ATG7: variants seen among roughly 807,000 people sequenced by gnomAD.
ATG7 encodes the protein ubiquitin-like modifier-activating enzyme ATG7.
Under a neutral mutation model 82.4 loss-of-function variants are expected in ATG7, and 70 were observed. The observed-to-expected ratio is 0.85, with a 90% confidence interval of 0.70 to 1.04. ATG7 has a LOEUF of 1.04. Among genes scored for constraint, ATG7 ranks in the 50% least tolerant of loss-of-function variants. The probability of loss-of-function intolerance (pLI) is 0.00; values close to 1 mark genes in which losing one functional copy is unlikely to be tolerated. For synonymous variants in ATG7, 287 were observed against 313.0 expected (o/e 0.92, Z 0.88); for missense variants, 792 against 864.3 (o/e 0.92, Z 1.05).
chr3:11,417,697 A>G (rs1175080433), intron 19 of ATG7, among the ~76,000 whole-genome samples: 2 of 147,790 alleles, frequency 1.4e-5, no homozygotes, highest in Non-Finnish European at 3.0e-5. Context: ...ATTTGTAACT[A>G]TTTTCCATTT....
chr3:11,371,741 G>A (rs184795437), intron 18 of ATG7, among the ~76,000 whole-genome samples: 4 of 151,218 alleles, frequency 2.6e-5, no homozygotes, highest in Admixed American at 1.3e-4. Context: ...CTGGGACAAA[G>A]TACTTAAGTC....
chr3:11,415,250 C>A (rs983464185), intron 19 of ATG7, among the ~76,000 whole-genome samples: 1 of 152,114 alleles, frequency 6.6e-6, no homozygotes, highest in African/African-American at 2.4e-5. Flanking sequence ...AGAATACTTA[C>A]CATAAATGGA....
At chr3:11,419,301 C>T (rs962372184) in intron 19 of ATG7, among the ~76,000 whole-genome samples, 2 of 152,086 alleles carry the variant, frequency 1.3e-5, no homozygotes, top group Non-Finnish European at 2.9e-5. Flanking sequence ...ACCTGTAATC[C>T]CAGCACTTTG....
At chr3:11,446,314 A>G (rs1169342076) in intron 20 of ATG7, among the ~76,000 whole-genome samples, 3 of 152,016 alleles carry the variant, frequency 2.0e-5, no homozygotes, top group Non-Finnish European at 4.4e-5. Context: ...TAAGTCTTTA[A>G]CACCTAGATT....
At chr3:11,528,581 C>A (rs1445664585) in intron 20 of ATG7, among the ~76,000 whole-genome samples, 1 of 152,140 alleles carries the variant, frequency 6.6e-6, no homozygotes, top group Non-Finnish European at 1.5e-5. Context: ...AATCCCAGCA[C>A]TTTGGGAGGC....
chr3:11,485,078 C>G (rs1372039306), intron 20 of ATG7, among the ~76,000 whole-genome samples: 1 of 152,168 alleles, frequency 6.6e-6, no homozygotes, highest in Non-Finnish European at 1.5e-5. Context: ...ATGGCTGGGT[C>G]AAATGGTATT....
intron 20 of ATG7, among the ~76,000 whole-genome samples, chr3:11,526,989 T>A (rs2092591187): frequency 6.6e-6 from 1 of 150,752 alleles, no homozygotes; most frequent in Non-Finnish European, 1.5e-5. Context: ...AAACTAATAG[T>A]GTGGTATATT....
chr3:11,318,414 G>A (rs1949740749), intron 9 of ATG7, among the ~76,000 whole-genome samples: 1 of 152,194 alleles, frequency 6.6e-6, no homozygotes, highest in Admixed American at 6.5e-5. Context: ...ATTGATACGG[G>A]TGATACTTTG....
intron 11 of ATG7, among the ~76,000 whole-genome samples, chr3:11,338,743 T>C (rs953104992): frequency 6.6e-6 from 1 of 152,176 alleles, no homozygotes; most frequent in African/African-American, 2.4e-5. Context: ...AGGACGTTTG[T>C]TTTCTGGCTT....
chr3:11,291,725 C>A (rs1945008681), intron 3 of ATG7, among the ~76,000 whole-genome samples: 1 of 152,156 alleles, frequency 6.6e-6, no homozygotes, highest in African/African-American at 2.4e-5. Context: ...GTGGTAAATG[C>A]CCTAATGGAA....
At chr3:11,328,915 C>T (rs532338602) in intron 9 of ATG7, among the ~76,000 whole-genome samples, 1 of 152,246 alleles carries the variant, frequency 6.6e-6, no homozygotes, top group African/African-American at 2.4e-5. Context: ...GGCGTAACCC[C>T]GTCTCTACTG....
intron 20 of ATG7, among the ~76,000 whole-genome samples, chr3:11,431,331 G>T (rs1283896544): frequency 1.3e-5 from 2 of 152,246 alleles, no homozygotes; most frequent in Admixed American, 6.5e-5. Flanking sequence ...AACCCGGGAG[G>T]TGGAGGCTGC....
chr3:11,358,777 A>G (rs1034713306), intron 15 of ATG7, among the ~76,000 whole-genome samples, 165 bp downstream of exon 15: 6 of 152,210 alleles, frequency 3.9e-5, no homozygotes, highest in African/African-American at 1.4e-4. Flanking sequence ...CTCGCACACC[A>G]TCACCCAATG....
Position 11,534,748 on chromosome 3 carries a change from C to T in ATG7, c.2080-20063C>T, listed in dbSNP as rs143964044. ...TCCCTCCCAGCGCAGCCTGGTAGGC[C>T]TCTTGACCACCTGGGGGGAGTCACT... On this transcript the variant is annotated intron_variant, in intron 20 of 20. Coordinates refer to ENST00000693202, the MANE Select transcript of ATG7 (RefSeq NM_001349232.2). 7.7e-3 allele frequency among the ~76,000 whole-genome samples: 1,177 copies of T among 152,326 alleles called. 12 individuals are homozygous for T. Among genetic ancestry groups the T allele is most frequent in the African/African-American group, 0.027 (1,129 of 41,578 alleles).
intron 20 of ATG7, among the ~76,000 whole-genome samples, chr3:11,457,406 T>C (rs2085846135): frequency 6.6e-6 from 1 of 152,174 alleles, no homozygotes; most frequent in Non-Finnish European, 1.5e-5. Context: ...AGATAGAGGC[T>C]GTGCTTCCTT....
chr3:11,521,667 C>T (rs1470547666), intron 20 of ATG7, among the ~76,000 whole-genome samples: 4 of 151,962 alleles, frequency 2.6e-5, no homozygotes, highest in Admixed American at 2.6e-4. Flanking sequence ...ATTCTTCTGC[C>T]TCAGCCTCCC....
intron 9 of ATG7, among the ~76,000 whole-genome samples, chr3:11,327,179 G>C (rs1951003634): frequency 6.6e-6 from 1 of 152,192 alleles, no homozygotes. Flanking sequence ...ACTAGAGATG[G>C]AAAGATGAAT....
At chr3:11,367,726 C>A (rs544658984) in intron 18 of ATG7, among the ~76,000 whole-genome samples, 1 of 151,284 alleles carries the variant, frequency 6.6e-6, no homozygotes, top group Admixed American at 6.6e-5. Flanking sequence ...AAACCATAAA[C>A]CATTTCAGGT....
At chr3:11,450,441 T>G (rs1209575438) in intron 20 of ATG7, among the ~76,000 whole-genome samples, 3 of 152,216 alleles carry the variant, frequency 2.0e-5, no homozygotes, top group South Asian at 2.1e-4. Flanking sequence ...CCTACCTCTT[T>G]AGGTCAGAAA....
Sources: allele counts gnomAD v4.1 joint callset (sites outside exome capture counted in the v4.1 genomes callset), GRCh38; gene constraint gnomAD v4.1.1; transcripts MANE v1.5; gene names NCBI Gene and HGNC (gene_info 2026-07-23, HGNC 2026-07-21).